Variants in ZNF644 observed in about 807,000 individuals in gnomAD.
The protein encoded by ZNF644 is zinc finger protein 644, also known as zinc finger motif enhancer binding protein 2.
A neutral mutation model predicts 108.0 loss-of-function variants in ZNF644; 20 were observed. The observed-to-expected ratio is 0.19, with a 90% CI of 0.13 to 0.27. The LOEUF is 0.27. ZNF644 is among the 10% of genes least tolerant of loss of function. The probability of loss-of-function intolerance (pLI) is 1.00; values close to 1 mark genes in which losing one functional copy is unlikely to be tolerated. For missense variants in ZNF644, 1,338 were observed against 1,548.9 expected (o/e 0.86, Z 2.29); for synonymous variants, 542 against 539.1 (o/e 1.01, Z -0.08).
At chr1:90,960,568 T>A (rs1183183383) in intron 2 of ZNF644, among the ~76,000 whole-genome samples, 3 of 152,106 alleles carry the variant, frequency 2.0e-5, no homozygotes, top group Non-Finnish European at 2.9e-5. Context: ...GTAATGTGAA[T>A]TTTACCTCTG....
intron 2 of ZNF644, among the ~76,000 whole-genome samples, chr1:90,966,846 G>C (rs1654958810): frequency 6.6e-6 from 1 of 151,890 alleles, no homozygotes; most frequent in Admixed American, 6.6e-5. Context: ...AGTAAGAGCT[G>C]AGCAGCTCAC....
At chr1:91,020,842 T>C (rs1365132231) in intron 1 of ZNF644, 1 of 152,186 alleles carries the variant, frequency 6.6e-6, no homozygotes, top group Non-Finnish European at 1.5e-5. Flanking sequence ...GTCGGCGGTG[T>C]TGTGATACTT....
chr1:91,007,993 T>C (rs1455345569), intron 1 of ZNF644, among the ~76,000 whole-genome samples: 1 of 152,160 alleles, frequency 6.6e-6, no homozygotes, highest in Non-Finnish European at 1.5e-5. Flanking sequence ...CAGTTAGATA[T>C]TTTTCCTGAT....
intron 1 of ZNF644, among the ~76,000 whole-genome samples, chr1:90,994,085 GT>G (rs1231217719): frequency 6.6e-6 from 1 of 152,056 alleles, no homozygotes; most frequent in Non-Finnish European, 1.5e-5. Flanking sequence ...AATGGGAGAT[GT>G]AGAATGCTTC....
chr1:91,006,904 T>C (rs554474743), intron 1 of ZNF644, among the ~76,000 whole-genome samples: 4 of 152,304 alleles, frequency 2.6e-5, no homozygotes, highest in Admixed American at 2.6e-4. Flanking sequence ...GTTTCATATT[T>C]TTAGCCTCCT....
intron 2 of ZNF644, among the ~76,000 whole-genome samples, chr1:90,951,719 A>G (rs1393769385): frequency 6.6e-6 from 1 of 152,030 alleles, no homozygotes; most frequent in African/African-American, 2.4e-5. Context: ...CATCTAACAC[A>G]CCATGCAATA....
In ZNF644 at chr1:90,938,182, C is replaced by T; in HGVS notation, c.3082+90G>A. On this transcript the variant is annotated intron_variant, in intron 3 of 5. Coordinates refer to ENST00000337393, the MANE Select transcript of ZNF644 (RefSeq NM_201269.3). The surrounding 1 kb of genome is among the most constrained non-coding windows in gnomAD (Gnocchi z 4.2). ...AATTCTGAAACATAAAATTATGATT[C>T]TAATAAAGACTAAATTCAAAAAAAA... 6.2e-7 allele frequency: 1 copy of T among 1,606,962 alleles called. No homozygotes were observed. Among genetic ancestry groups the T allele is most frequent in the South Asian group, 1.1e-5 (1 of 90,550 alleles).
At chr1:90,961,219 T>C (rs1453887728) in intron 2 of ZNF644, among the ~76,000 whole-genome samples, 1 of 152,078 alleles carries the variant, frequency 6.6e-6, no homozygotes, top group African/African-American at 2.4e-5. Flanking sequence ...AGGGGTACAG[T>C]ATGGAAGGAA....
chr1:90,970,367 G>A (rs1374584478), intron 2 of ZNF644, among the ~76,000 whole-genome samples: 1 of 152,126 alleles, frequency 6.6e-6, no homozygotes, highest in Non-Finnish European at 1.5e-5. Flanking sequence ...ACCTAGCTGT[G>A]CTTCAGATAA....
chr1:90,998,551 A>G (rs1658416276), intron 1 of ZNF644, among the ~76,000 whole-genome samples: 1 of 152,244 alleles, frequency 6.6e-6, no homozygotes, highest in African/African-American at 2.4e-5. Context: ...TCTCTACGTC[A>G]TCTACATCAT....
intron 1 of ZNF644, among the ~76,000 whole-genome samples, chr1:91,001,663 A>G (rs1658841828): frequency 6.6e-6 from 1 of 152,196 alleles, no homozygotes; most frequent in African/African-American, 2.4e-5. Context: ...CCTATTCAAC[A>G]TAGTGTTGGA....
chr1:91,013,484 T>TAC (rs772232056), intron 1 of ZNF644, among the ~76,000 whole-genome samples: 1,847 of 104,970 alleles, frequency 0.018, 16 homozygotes, highest in Middle Eastern at 0.042. Flanking sequence ...CACACACACA[T>TAC]ACACACACAC....
chr1:90,916,628 T>C lies in ZNF644; in HGVS notation c.*170A>G, dbSNP rs1333486469. 2 of 696,758 alleles carry C rather than the reference T, an allele frequency of 2.9e-6. No individual in the cohort carries two copies. Among genetic ancestry groups the C allele is most frequent in the Non-Finnish European group, 4.8e-6 (2 of 416,070 alleles). 43.2% of individuals were successfully genotyped at this position (696,758 alleles called of 1,614,324 possible). ...CATCTTCCACCCTATATAAAATATA[T>C]AGACTACTTACTGTTTTAAGTATTC... On this transcript the variant is annotated 3_prime_UTR_variant, in exon 6 of 6. Transcript: ENST00000337393.
intron 2 of ZNF644, among the ~76,000 whole-genome samples, chr1:90,969,865 G>A (rs1655286159): frequency 6.6e-6 from 1 of 152,120 alleles, no homozygotes; most frequent in African/African-American, 2.4e-5. Flanking sequence ...TATCCCCCAC[G>A]GATTAGGTAG....
At position 90,940,295 on chromosome 1, in the gene ZNF644, G is replaced by A; in HGVS notation, c.1059C>T (p.Asp353=). ...SKVKPESTDE[D]LESVDAFQHL... ...GTTGGAAGGCATCCACAGATTCTAA[G>A]TCTTCATCAGTTGATTCAGGCTTCA... Residue 353 remains aspartate, a synonymous_variant, in exon 3 of 6, where the codon GAC becomes GAT. Coordinates refer to ENST00000337393, the MANE Select transcript of ZNF644 (RefSeq NM_201269.3). 6.2e-7 allele frequency: 1 copy of A among 1,613,908 alleles called. No individual in the cohort carries two copies. Among genetic ancestry groups the A allele is most frequent in the Non-Finnish European group, 8.5e-7 (1 of 1,179,938 alleles).
Position 90,938,244 on chromosome 1 carries a change from G to C in ZNF644, c.3082+28C>G. On this transcript the variant is annotated intron_variant, in intron 3 of 5. Coordinates refer to ENST00000337393, the MANE Select transcript of ZNF644 (RefSeq NM_201269.3). The surrounding 1 kb of genome is among the most constrained non-coding windows in gnomAD (Gnocchi z 4.2). The stretch of plus-strand genomic sequence containing the variant: ...TCAGAATTAGAACACAGACCTATCA[G>C]CCCAAATCATCCCCATGGAGAACTT... The C allele has an allele frequency of 4.3e-6, 7 of 1,613,824 alleles. No homozygotes were observed. The highest frequency in any genetic ancestry group is 5.9e-6 in the Non-Finnish European group (7 of 1,179,802).
rs1648688703 is a variant in ZNF644 at position 90,915,651 on chromosome 1, C to A, written c.*1147G>T. ...CCTGCACCATATTTTCCATTCCTCA[C>A]AGCACATTTATTTCAGTAATTCTGT... On this transcript the variant is annotated 3_prime_UTR_variant, in exon 6 of 6. Transcript: ENST00000337393. The A allele has an allele frequency of 6.5e-6, 1 of 152,698 alleles. No homozygotes were observed. The highest frequency in any genetic ancestry group is 1.5e-5 in the Non-Finnish European group (1 of 67,990). The allele number at this position is 152,698 out of a possible 1,614,324, so 9.5% of individuals were successfully genotyped here. A position where few individuals can be genotyped will look rare whatever the true frequency, so the allele number is the denominator to read the frequency against.
chr1:90,957,950 A>G (rs1653916504), intron 2 of ZNF644, among the ~76,000 whole-genome samples: 2 of 152,218 alleles, frequency 1.3e-5, no homozygotes, highest in African/African-American at 4.8e-5. Flanking sequence ...CAACATGCAA[A>G]AATCAGTTGT....
Position 90,938,199 on chromosome 1 carries a change from CA to C in ZNF644, c.3082+72del, listed in dbSNP as rs553239328. On this transcript the variant is annotated intron_variant, in intron 3 of 5. Coordinates refer to ENST00000337393, the MANE Select transcript of ZNF644 (RefSeq NM_201269.3). This position sits in a 1 kb window ranked among gnomAD's most constrained non-coding sequence, Gnocchi z 4.2. ...TTATGATTCTAATAAAGACTAAATT[CA>C]AAAAAAACTTTTAAATCTTCAGAAT... The C allele has an allele frequency of 2.5e-6, 4 of 1,609,464 alleles. No individual in the cohort carries two copies. Among genetic ancestry groups the C allele is most frequent in the Non-Finnish European group, 3.4e-6 (4 of 1,176,952 alleles).
Sources: allele counts gnomAD v4.1 joint callset (sites outside exome capture counted in the v4.1 genomes callset), GRCh38; gene constraint gnomAD v4.1.1; non-coding constraint Gnocchi (gnomAD v3.1); transcripts MANE v1.5; gene names NCBI Gene and HGNC (gene_info 2026-07-23, HGNC 2026-07-21).